Variants in DNAH5 observed in about 807,000 individuals in gnomAD.
The protein encoded by DNAH5 is axonemal beta dynein heavy chain 5.
A neutral mutation model predicts 518.2 loss-of-function variants in DNAH5; 372 were observed. The observed-to-expected ratio is 0.72, with a 90% CI of 0.66 to 0.78. The LOEUF (loss-of-function observed/expected upper bound fraction) is 0.78, where lower values mean the gene tolerates loss of function less well. DNAH5 is among the 30% of genes least tolerant of loss of function. The pLI is 0.00. For synonymous variants in DNAH5, 2,039 were observed against 2,025.9 expected (o/e 1.01, Z -0.17); for missense variants, 5,523 against 5,687.0 (o/e 0.97, Z 0.93).
chr5:13,727,428 TA>T, intron 70 of DNAH5, 78 bp downstream of exon 70: 1 of 1,359,728 alleles, frequency 7.4e-7, no homozygotes, highest in Non-Finnish European at 1.0e-6. Context: ...AATTCACATT[TA>T]AAATATTTTT....
exon 1 of DNAH5, among the ~76,000 whole-genome samples, chr5:14,011,648 C>G (rs980585935): frequency 6.6e-6 from 1 of 152,092 alleles, no homozygotes; most frequent in East Asian, 1.9e-4. Context: ...CGCACAGTAC[C>G]AGTTTGTCCA....
intron 65 of DNAH5, among the ~76,000 whole-genome samples, chr5:13,750,114 G>C (rs934218433): frequency 1.3e-5 from 2 of 152,088 alleles, no homozygotes; most frequent in African/African-American, 4.8e-5. Flanking sequence ...ATAGACATGT[G>C]GTAGGGCTCA....
chr5:13,811,915 A>G lies in DNAH5; in HGVS notation c.7231-92T>C, dbSNP rs185929296. 2.1e-5 allele frequency: 22 copies of G among 1,037,090 alleles called. No homozygotes were observed. In the African/African-American group the frequency reaches 3.0e-4, roughly 14 times the overall value. 64.2% of individuals were successfully genotyped at this position (1,037,090 alleles called of 1,614,324 possible). A position where few individuals can be genotyped will look rare whatever the true frequency, so the allele number is the denominator to read the frequency against. On this transcript the variant is annotated intron_variant, in intron 43 of 78. Coordinates refer to ENST00000265104, the MANE Select transcript of DNAH5 (RefSeq NM_001369.3). Reference sequence around the variant, plus strand: ...ACAAAAATTTTAAAAGTATCTGTTAATAATGATAATATCTAATGATTATAC... The same window carrying G: ...ACAAAAATTTTAAAAGTATCTGTTAGTAATGATAATATCTAATGATTATAC...
In DNAH5 at chr5:13,902,130, C is replaced by T; in HGVS notation, c.1653G>A (p.Leu551=). The T allele has an allele frequency of 1.9e-6, 3 of 1,604,930 alleles. No homozygotes were observed. Among genetic ancestry groups the T allele is most frequent in the Non-Finnish European group, 2.6e-6 (3 of 1,173,444 alleles). The change falls in exon 13 of 79, where the codon TTG becomes TTA. Residue 551 remains leucine (L), a synonymous_variant. Transcript: ENST00000265104. ...CKQTNDLHNE[L]RKFMDVTFAK... is the part of the protein sequence containing the mutation. ...CAAATGTAACATCCATGAACTTCCG[C>T]AACTCGTTCTAAAACAGAATAAAAT...
intron 32 of DNAH5, among the ~76,000 whole-genome samples, chr5:13,843,361 T>C (rs914925932): frequency 2.0e-5 from 3 of 152,306 alleles, no homozygotes; most frequent in Non-Finnish European, 4.4e-5. Flanking sequence ...AGGATGAAGC[T>C]GAATTCCGTA....
intron 1 of DNAH5, among the ~76,000 whole-genome samples, chr5:13,956,093 T>G (rs184413933): frequency 6.6e-6 from 1 of 152,264 alleles, no homozygotes; most frequent in East Asian, 1.9e-4. Context: ...ACACACTTCA[T>G]TCCATCTCTG....
intron 1 of DNAH5, among the ~76,000 whole-genome samples, chr5:13,971,068 T>G (rs530636426): frequency 1.3e-5 from 2 of 152,178 alleles, no homozygotes; most frequent in Non-Finnish European, 2.9e-5. Context: ...ACTTGTTTTA[T>G]TCTATTGCTG....
intron 17 of DNAH5, among the ~76,000 whole-genome samples, chr5:13,890,561 T>C (rs1370030095): frequency 6.6e-6 from 1 of 152,194 alleles, no homozygotes; most frequent in East Asian, 1.9e-4. Context: ...CAGAATTGTG[T>C]GCTATAGAAC....
At chr5:13,997,786 G>A (rs1378559547) in intron 1 of DNAH5, among the ~76,000 whole-genome samples, 1 of 151,824 alleles carries the variant, frequency 6.6e-6, no homozygotes, top group Non-Finnish European at 1.5e-5. Context: ...TTGGGCTGCT[G>A]TAACAAAATA....
At chr5:13,987,726 C>T (rs1342948796) in intron 1 of DNAH5, among the ~76,000 whole-genome samples, 4 of 151,884 alleles carry the variant, frequency 2.6e-5, no homozygotes, top group African/African-American at 4.8e-5. Flanking sequence ...TGGTGGCGCA[C>T]GCCTATAGTC....
At chr5:13,901,756 A>C (rs1208145967) in intron 13 of DNAH5, among the ~76,000 whole-genome samples, 183 bp from the exon 14 acceptor site, 1 of 152,176 alleles carries the variant, frequency 6.6e-6, no homozygotes, top group Non-Finnish European at 1.5e-5. Flanking sequence ...AATGTAGGCA[A>C]AACTATTAAC....
chr5:13,739,731 G>A (rs528299974), intron 65 of DNAH5, among the ~76,000 whole-genome samples: 5 of 152,262 alleles, frequency 3.3e-5, no homozygotes, highest in South Asian at 2.1e-4. Context: ...AGGGAAAGGA[G>A]AGGCCAGACC....
intron 75 of DNAH5, among the ~76,000 whole-genome samples, chr5:13,713,434 CATATATATATATATATATATAT>C (rs200836910): frequency 1.4e-5 from 1 of 70,662 alleles, no homozygotes; most frequent in Non-Finnish European, 2.6e-5. Context: ...TATACATCGA[CATATATATATATATATATATAT>C]ATATATATAT....
chr5:13,806,161 T>C (rs938207328), intron 47 of DNAH5, among the ~76,000 whole-genome samples: 2 of 152,182 alleles, frequency 1.3e-5, no homozygotes, highest in African/African-American at 4.8e-5. Context: ...AGCTCTTTAA[T>C]TGTAAAGCGG....
intron 3 of DNAH5, 151 bp from the exon 4 acceptor site, chr5:13,923,591 G>T: frequency 1.2e-6 from 1 of 821,890 alleles, no homozygotes; most frequent in Non-Finnish European, 2.0e-6. Flanking sequence ...TCTAGCATGA[G>T]CCGTACAGGG....
At chr5:13,982,083 G>A (rs975030091) in intron 1 of DNAH5, among the ~76,000 whole-genome samples, 6 of 152,174 alleles carry the variant, frequency 3.9e-5, no homozygotes, top group South Asian at 4.1e-4. Flanking sequence ...TACTTCCCTC[G>A]TTATGCTTCA....
chr5:13,979,511 A>G (rs1391216255), intron 1 of DNAH5, among the ~76,000 whole-genome samples: 2 of 152,180 alleles, frequency 1.3e-5, no homozygotes, highest in African/African-American at 4.8e-5. Context: ...CTATGTGTGA[A>G]ATCAATGAAC....
intron 12 of DNAH5, among the ~76,000 whole-genome samples, chr5:13,903,669 G>C (rs924710223): frequency 1.2e-4 from 18 of 151,976 alleles, no homozygotes; most frequent in Non-Finnish European, 2.4e-4. Context: ...CAAATACCTC[G>C]TGGAGAACAA....
In DNAH5 at chr5:13,764,108, A is replaced by G. The variant is rs564389824; in HGVS notation, c.10102-1207T>C. ...TTCACAACTTGGGAAATAGAGGTGG[A>G]CTGGGTATTCCCAATTAGTTGTTTT... On this transcript the variant is annotated intron_variant, in intron 59 of 78. Transcript: ENST00000265104. Among the ~76,000 whole-genome samples the G allele has an allele frequency of 7.2e-5, 11 of 152,316 alleles. No individual in the cohort carries two copies. The East Asian group carries it at 2.1e-3, about 29-fold the overall frequency.
Sources: allele counts gnomAD v4.1 joint callset (sites outside exome capture counted in the v4.1 genomes callset), GRCh38; gene constraint gnomAD v4.1.1; transcripts MANE v1.5; gene names NCBI Gene and HGNC (gene_info 2026-07-23, HGNC 2026-07-21).